The following SLC39A11 variants were observed in gnomAD, a reference collection of about 807,000 sequenced individuals.
SLC39A11 encodes solute carrier family 39 member 11.
SLC39A11 carries 33 observed loss-of-function variants against 36.1 expected under a neutral mutation model. That is an observed-to-expected ratio of 0.91 (90% confidence interval 0.69 to 1.22). The LOEUF (loss-of-function observed/expected upper bound fraction) is 1.22. Ranked by LOEUF, SLC39A11 falls within the 50% of genes most tolerant of loss-of-function variation. The pLI, the probability that SLC39A11 is intolerant of heterozygous loss-of-function variation, is 0.00. For synonymous variants in SLC39A11, 166 were observed against 170.3 expected (o/e 0.97, Z 0.20); for missense variants, 432 against 430.3 (o/e 1.00, Z -0.03).
chr17:72,857,708 G>A (rs185490119), intron 5 of SLC39A11, among the ~76,000 whole-genome samples: 180 of 152,240 alleles, frequency 1.2e-3, no homozygotes, highest in African/African-American at 4.1e-3. Context: ...TCTCATTGTG[G>A]TTTTGATTTG....
intron 6 of SLC39A11, among the ~76,000 whole-genome samples, chr17:72,848,527 C>T (rs1004664575): frequency 2.0e-5 from 3 of 152,108 alleles, no homozygotes; most frequent in Admixed American, 6.5e-5. Context: ...CAAGACCAGC[C>T]TGGCCAACAT....
chr17:73,026,233 A>AGAGAAGAG (rs374840533), intron 4 of SLC39A11, among the ~76,000 whole-genome samples: 75 of 150,486 alleles, frequency 5.0e-4, no homozygotes, highest in Middle Eastern at 3.4e-3. Flanking sequence ...AGAGAAGAGA[A>AGAGAAGAG]AAGGGAAAAG....
At chr17:72,782,151 G>T (rs1379724923) in intron 6 of SLC39A11, among the ~76,000 whole-genome samples, 1 of 151,964 alleles carries the variant, frequency 6.6e-6, no homozygotes, top group Admixed American at 6.6e-5. Context: ...AAAAGAAGGG[G>T]AAGCAGACAT....
At chr17:73,013,079 G>A (rs527562389) in intron 4 of SLC39A11, among the ~76,000 whole-genome samples, 1 of 151,988 alleles carries the variant, frequency 6.6e-6, no homozygotes, top group African/African-American at 2.4e-5. Context: ...GATTACAGGC[G>A]TGAACCACTG....
At chr17:72,805,494 C>T (rs1303958164) in intron 6 of SLC39A11, among the ~76,000 whole-genome samples, 4 of 152,182 alleles carry the variant, frequency 2.6e-5, no homozygotes, top group South Asian at 2.1e-4. Flanking sequence ...CTACAGTGCC[C>T]GATCTTCTGT....
chr17:72,689,460 T>C (rs553100913), intron 7 of SLC39A11, among the ~76,000 whole-genome samples: 1 of 152,058 alleles, frequency 6.6e-6, no homozygotes, highest in South Asian at 2.1e-4. Flanking sequence ...CATACAGAAA[T>C]GGAAACAGAG....
chr17:72,928,291 T>C (rs1282132348), intron 5 of SLC39A11, among the ~76,000 whole-genome samples: 1 of 152,136 alleles, frequency 6.6e-6, no homozygotes, highest in East Asian at 1.9e-4. Context: ...CCATGAAGTA[T>C]GAATGAACAA....
chr17:73,073,608 C>T (rs1305320687), intron 3 of SLC39A11: 1 of 152,180 alleles, frequency 6.6e-6, no homozygotes, highest in African/African-American at 2.4e-5. Flanking sequence ...ACCTTGGAGG[C>T]CCTGGGGCTC....
chr17:72,665,397 T>TTTTTTTTTTTTTTTG (rs2070699351), intron 7 of SLC39A11, among the ~76,000 whole-genome samples: 1 of 125,334 alleles, frequency 8.0e-6, no homozygotes, highest in Non-Finnish European at 1.8e-5. Flanking sequence ...GTGTTTTTTT[T>TTTTTTTTTTTTTTTG]TTTTTTTTTT....
chr17:72,949,540 G>A (rs545214622), intron 4 of SLC39A11, among the ~76,000 whole-genome samples: 1 of 151,958 alleles, frequency 6.6e-6, no homozygotes, highest in East Asian at 1.9e-4. Flanking sequence ...TCAGTGACTG[G>A]TGAGAGCCTG....
At chr17:73,054,577 G>A in intron 3 of SLC39A11, among the ~76,000 whole-genome samples, 1 of 152,086 alleles carries the variant, frequency 6.6e-6, no homozygotes, top group Middle Eastern at 3.2e-3. Flanking sequence ...GGAGGCCCAG[G>A]CAGGTGGATC....
chr17:73,068,534 C>T (rs1251321957), intron 3 of SLC39A11, among the ~76,000 whole-genome samples: 1 of 152,086 alleles, frequency 6.6e-6, no homozygotes, highest in Non-Finnish European at 1.5e-5. Flanking sequence ...CTAAGAGACC[C>T]CTGGCCTCCT....
chr17:72,965,110 AG>A (rs958426162), intron 4 of SLC39A11, among the ~76,000 whole-genome samples: 1 of 136,266 alleles, frequency 7.3e-6, no homozygotes, highest in African/African-American at 2.7e-5. Context: ...AGGTGGGGGA[AG>A]GGGGGAGGGA....
At chr17:72,902,424 G>T (rs572587949) in intron 5 of SLC39A11, among the ~76,000 whole-genome samples, 41 of 135,638 alleles carry the variant, frequency 3.0e-4, no homozygotes, top group Non-Finnish European at 5.9e-4. Flanking sequence ...GGCAAGTAAG[G>T]ATTCTCTCCT....
intron 6 of SLC39A11, chr17:72,818,032 G>C (rs1483014999): frequency 6.6e-6 from 1 of 152,076 alleles, no homozygotes; most frequent in Non-Finnish European, 1.5e-5. Flanking sequence ...ACACTATTAT[G>C]AGAACAGCAG....
In SLC39A11 at chr17:72,897,384, C is replaced by T. The variant is rs76316015; in HGVS notation, c.431-47580G>A. On this transcript the variant is annotated intron_variant, in intron 5 of 9. Transcript: ENST00000255559. Reference sequence around the variant, plus strand: ...AACTCAGCTTGCACTAGCCACACTTCGGGGCTTGATAGACATGTGAAGCTA... The same window carrying T: ...AACTCAGCTTGCACTAGCCACACTTTGGGGCTTGATAGACATGTGAAGCTA... 8.1e-3 allele frequency among the ~76,000 whole-genome samples: 1,233 copies of T among 152,264 alleles called. 9 individuals carry two copies. Among genetic ancestry groups the T allele is most frequent in the African/African-American group, 0.028 (1,159 of 41,536 alleles).
chr17:72,984,379 A>T lies in SLC39A11; in HGVS notation c.307-36504T>A, dbSNP rs1283739908. ...AAGCTTTATTGGAACTCAGACATTT[A>T]AAAAAAAAAAAAAAGAAAGAAAAGA... On this transcript the variant is annotated intron_variant, in intron 4 of 9. Transcript: ENST00000255559. 6.2e-3 allele frequency among the ~76,000 whole-genome samples: 22 copies of T among 3,524 alleles called. No homozygotes were observed. The Admixed American group carries it at 0.12, about 20-fold the overall frequency. The allele number at this position is 3,524 out of a possible 152,430, so 2.3% of individuals were successfully genotyped here.
chr17:72,716,992 T>C (rs113398658), intron 7 of SLC39A11, among the ~76,000 whole-genome samples: 16,802 of 125,870 alleles, frequency 0.13, 1,630 homozygotes, highest in African/African-American at 0.28. Flanking sequence ...TATATATATA[T>C]ACACACACAC....
intron 5 of SLC39A11, among the ~76,000 whole-genome samples, chr17:72,865,227 A>T (rs946002006): frequency 2.0e-5 from 3 of 152,090 alleles, no homozygotes; most frequent in Non-Finnish European, 4.4e-5. Context: ...TACTGTCCAC[A>T]TGGAGGTAAA....
Sources: allele counts gnomAD v4.1 joint callset (sites outside exome capture counted in the v4.1 genomes callset), GRCh38; gene constraint gnomAD v4.1.1; transcripts MANE v1.5; gene names NCBI Gene and HGNC (gene_info 2026-07-23, HGNC 2026-07-21).